PBXIP1: variants seen among roughly 807,000 people sequenced by gnomAD.
PBXIP1 encodes the protein pre-B-cell leukemia transcription factor-interacting protein 1.
In PBXIP1, 73 loss-of-function variants were observed where a neutral mutation model predicts 73.7. The ratio of observed to expected loss-of-function variants is 0.99; its 90% CI spans 0.82 to 1.20. The LOEUF (loss-of-function observed/expected upper bound fraction) is 1.20. Among genes scored for constraint, PBXIP1 ranks in the 50% most tolerant of loss-of-function variants. The pLI is 0.00. For missense variants in PBXIP1, 818 were observed against 911.4 expected (o/e 0.90, Z 1.32); for synonymous variants, 330 against 366.9 (o/e 0.90, Z 1.15).
chr1:154,944,942 A>G lies in PBXIP1; in HGVS notation c.*82T>C. 8.7e-7 allele frequency: 1 copy of G among 1,154,270 alleles called. No homozygotes were observed. The highest frequency in any genetic ancestry group is 1.3e-6 in the Non-Finnish European group (1 of 771,776). The allele number at this position is 1,154,270 out of a possible 1,614,324, so 71.5% of individuals were successfully genotyped here. A position where few individuals can be genotyped will look rare whatever the true frequency, so the allele number is the denominator to read the frequency against. On this transcript the variant is annotated 3_prime_UTR_variant, in exon 11 of 11. Transcript: ENST00000368463. Reference sequence around the variant, plus strand: ...ATCTGAGGACACCAAACAAGCCAGGACAGAGTCCACCCTCCAGGAGTTAGA... The same window carrying G: ...ATCTGAGGACACCAAACAAGCCAGGGCAGAGTCCACCCTCCAGGAGTTAGA...
At chr1:154,953,615 A>C (rs1241847503) in intron 2 of PBXIP1, 56 bp downstream of exon 2, 1 of 1,139,962 alleles carries the variant, frequency 8.8e-7, no homozygotes, top group East Asian at 2.3e-5. Context: ...GAAGCCCAGC[A>C]CTGCAGAAAC....
chr1:154,945,595 AAAG>A lies in PBXIP1; in HGVS notation c.2076_2078del (p.Phe693del), dbSNP rs2101981834. ...ACCTCTTCTTCAGTGCTTTGTCTCC[AAAG>A]AAGTGGCTGAAGATGAAGTCCTCAA... On this transcript the variant is annotated inframe_deletion, in exon 10 of 11. Transcript: ENST00000368463. 6.2e-7 allele frequency: 1 copy of A among 1,613,832 alleles called. No homozygotes were observed. Among genetic ancestry groups the A allele is most frequent in the Non-Finnish European group, 8.5e-7 (1 of 1,179,792 alleles).
Position 154,951,404 on chromosome 1 carries a change from C to T in PBXIP1, c.244-7G>A, listed in dbSNP as rs763731045. ...CATCACCTTCCAGGGTGCCCTAATGCAGATGCAGCAGTGAGCAGCTGCTAG... is the reference window on the plus strand; with the variant it reads ...CATCACCTTCCAGGGTGCCCTAATGTAGATGCAGCAGTGAGCAGCTGCTAG... On this transcript the variant is annotated splice_polypyrimidine_tract_variant and splice_region_variant and intron_variant, in intron 4 of 10. Transcript: ENST00000368463. This position sits in a 1 kb window ranked among gnomAD's most constrained non-coding sequence, Gnocchi z 4.3. 1.2e-5 allele frequency: 20 copies of T among 1,613,964 alleles called. No homozygotes were observed. The highest frequency in any genetic ancestry group is 1.6e-5 in the Non-Finnish European group (19 of 1,179,990).
At chr1:154,955,027 C>T (rs1336078700) in intron 1 of PBXIP1, 41 of 881,604 alleles carry the variant, frequency 4.7e-5, no homozygotes, top group Non-Finnish European at 5.3e-5. Flanking sequence ...TAAGTAACCT[C>T]CTGTGGCTCC....
chr1:154,949,727 C>A (rs1168462625), intron 5 of PBXIP1, among the ~76,000 whole-genome samples: 1 of 152,008 alleles, frequency 6.6e-6, no homozygotes, highest in Non-Finnish European at 1.5e-5. Flanking sequence ...GTTTCATGTA[C>A]CATGTGGAAC....
Position 154,951,787 on chromosome 1 carries a change from C to T in PBXIP1, c.178+8G>A. 6.2e-7 allele frequency: 1 copy of T among 1,613,762 alleles called. No individual in the cohort carries two copies. ...CCGGTAAGCTATGTCCTAAGCAGGG[C>T]CCAGTACCTTCTCCATCCATGGTCC... On this transcript the variant is annotated splice_region_variant and intron_variant, in intron 3 of 10. Coordinates refer to ENST00000368463, the MANE Select transcript of PBXIP1 (RefSeq NM_020524.4). This position sits in a 1 kb window ranked among gnomAD's most constrained non-coding sequence, Gnocchi z 4.3.
In PBXIP1 at chr1:154,951,918, G is replaced by C. The variant is rs1241346928; in HGVS notation, c.55C>G (p.Leu19Val). 1.2e-6 allele frequency: 2 copies of C among 1,604,166 alleles called. No individual in the cohort carries two copies. The highest frequency in any genetic ancestry group is 1.4e-5 in the African/African-American group (1 of 74,008). The change falls in exon 3 of 11, where the codon CTG becomes GTG. Residue 19 changes from leucine (L) to valine (V), a missense_variant. Coordinates refer to ENST00000368463, the MANE Select transcript of PBXIP1 (RefSeq NM_020524.4). This position sits in a 1 kb window ranked among gnomAD's most constrained non-coding sequence, Gnocchi z 4.3. ...GCCGGGCCCAGTGTCTCCACTGGCA[G>C]GCTCTGGGAGGAGAAGTGCAAGGAG... ...NSWVLAGSES[L>V]PVETLGPASR...
In PBXIP1 at chr1:154,946,342, C is replaced by T. The variant is rs1654818600; in HGVS notation, c.1332G>A (p.Glu444=). ...HRLAQKLQGL[E]NWGQDPGVSA... Reference sequence around the variant, plus strand: ...AGACCCCAGGGTCCTGGCCCCAGTTCTCCAGGCCCTGCAGTTTCTGGGCCA... The same window carrying T: ...AGACCCCAGGGTCCTGGCCCCAGTTTTCCAGGCCCTGCAGTTTCTGGGCCA... The change falls in exon 10 of 11, where the codon GAG becomes GAA. Residue 444 remains glutamate, a synonymous_variant. Coordinates refer to ENST00000368463, the MANE Select transcript of PBXIP1 (RefSeq NM_020524.4). 1.2e-6 allele frequency: 2 copies of T among 1,613,990 alleles called. No homozygotes were observed. The highest frequency in any genetic ancestry group is 1.7e-6 in the Non-Finnish European group (2 of 1,179,978).
rs765844541 is a variant in PBXIP1 at position 154,946,162 on chromosome 1, GTTC to G, written c.1509_1511del (p.Lys503del). ...GCTCCCTGTCCTCCTGACCTCCCCAGTTCTTCTTCCTTTCCCGGCCAGATTCTT... is the reference window on the plus strand; with the variant it reads ...GCTCCCTGTCCTCCTGACCTCCCCAGTTCTTCCTTTCCCGGCCAGATTCTT... On this transcript the variant is annotated inframe_deletion, in exon 10 of 11. Coordinates refer to ENST00000368463, the MANE Select transcript of PBXIP1 (RefSeq NM_020524.4). The G allele has an allele frequency of 2.0e-5, 32 of 1,613,936 alleles. No homozygotes were observed. Among genetic ancestry groups the G allele is most frequent in the Non-Finnish European group, 2.6e-5 (31 of 1,180,018 alleles).
Position 154,944,865 on chromosome 1 carries a change from A to G in PBXIP1, c.*159T>C, listed in dbSNP as rs1654747093. 1 of 596,124 alleles carries G rather than the reference A, an allele frequency of 1.7e-6. No individual in the cohort carries two copies. The highest frequency in any genetic ancestry group is 1.9e-5 in the African/African-American group (1 of 53,872). The allele number at this position is 596,124 out of a possible 1,614,324, so 36.9% of individuals were successfully genotyped here. On this transcript the variant is annotated 3_prime_UTR_variant, in exon 11 of 11. Coordinates refer to ENST00000368463, the MANE Select transcript of PBXIP1 (RefSeq NM_020524.4). ...AGGTCCAGCTAAGGCCTTTTTCTAC[A>G]TAAAGTGACATCAGTGCAGGGCTGG...
At chr1:154,947,905 A>C in intron 7 of PBXIP1, 77 bp downstream of exon 7, 1 of 1,499,130 alleles carries the variant, frequency 6.7e-7, no homozygotes, top group Non-Finnish European at 9.3e-7. Flanking sequence ...GTGAGCCCCC[A>C]GCACCCCTAC....
intron 5 of PBXIP1, chr1:154,950,072 G>T: frequency 4.7e-6 from 1 of 213,702 alleles, no homozygotes; most frequent in Non-Finnish European, 9.0e-6. Flanking sequence ...CTGGAGTGCA[G>T]TGGCACAATC....
At position 154,951,713 on chromosome 1, in the gene PBXIP1, C is replaced by G. The variant is rs1655011087; in HGVS notation, c.178+82G>C. On this transcript the variant is annotated intron_variant, in intron 3 of 10. Coordinates refer to ENST00000368463, the MANE Select transcript of PBXIP1 (RefSeq NM_020524.4). This position sits in a 1 kb window ranked among gnomAD's most constrained non-coding sequence, Gnocchi z 4.3. ...GAGGAACTAAAACGAACCAGCCTCC[C>G]TTTCTCTGAGGAAACTGAGAAACCC... is the stretch of plus-strand genomic sequence containing the variant. 2.0e-6 allele frequency: 3 copies of G among 1,527,466 alleles called. No homozygotes were observed. Among genetic ancestry groups the G allele is most frequent in the Admixed American group, 3.8e-5 (2 of 53,040 alleles). The allele number at this position is 1,527,466 out of a possible 1,614,324, so 94.6% of individuals were successfully genotyped here. A position where few individuals can be genotyped will look rare whatever the true frequency, so the allele number is the denominator to read the frequency against.
chr1:154,948,326 A>G lies in PBXIP1; in HGVS notation c.450T>C (p.Asp150=), dbSNP rs1487546598. 1 of 1,608,800 alleles carries G rather than the reference A, an allele frequency of 6.2e-7. No individual in the cohort carries two copies. Among genetic ancestry groups the G allele is most frequent in the Non-Finnish European group, 8.5e-7 (1 of 1,177,948 alleles). The stretch of plus-strand genomic sequence containing the variant: ...GACCCTCCATGTCCACGTCGGTGTC[A>G]TCGTCACTGCTGGAGCAGCGGCCCT... ...REEGRCSSSD[D]DTDVDMEGLR... Residue 150 remains aspartate, a synonymous_variant, in exon 6 of 11, where the codon GAT becomes GAC. Coordinates refer to ENST00000368463, the MANE Select transcript of PBXIP1 (RefSeq NM_020524.4).
In PBXIP1 at chr1:154,946,239, A is replaced by G; in HGVS notation, c.1435T>C (p.Trp479Arg). ...SREWSGKEKWWDGQRDRKAEH... is the reference protein window; with the variant it reads ...SREWSGKEKWRDGQRDRKAEH... Reference sequence around the variant, plus strand: ...GCCTTCCGGTCTCTCTGCCCATCCCACCACTTTTCCTTTCCACTCCACTCC... The same window carrying G: ...GCCTTCCGGTCTCTCTGCCCATCCCGCCACTTTTCCTTTCCACTCCACTCC... The change falls in exon 10 of 11, where the codon TGG becomes CGG. Residue 479 changes from tryptophan to arginine, a missense_variant. Trp to Arg is a moderately radical substitution (Grantham distance 101). Coordinates refer to ENST00000368463, the MANE Select transcript of PBXIP1 (RefSeq NM_020524.4). 1 of 1,613,278 alleles carries G rather than the reference A, an allele frequency of 6.2e-7. No individual in the cohort carries two copies.
At position 154,947,857 on chromosome 1, in the gene PBXIP1, C is replaced by T. The variant is rs1255437329; in HGVS notation, c.667+125G>A. On this transcript the variant is annotated intron_variant, in intron 7 of 10. Transcript: ENST00000368463. Reference sequence around the variant, plus strand: ...GGTGAGATAAAGGGCCAAGGGGCACCCTGAACAGCTGACAAGGCCACTAAC... The same window carrying T: ...GGTGAGATAAAGGGCCAAGGGGCACTCTGAACAGCTGACAAGGCCACTAAC... The T allele has an allele frequency of 2.9e-6, 4 of 1,356,778 alleles. No individual in the cohort carries two copies. The East Asian group carries it at 6.9e-5, about 23-fold the overall frequency. The allele number at this position is 1,356,778 out of a possible 1,614,324, so 84.0% of individuals were successfully genotyped here. A position where few individuals can be genotyped will look rare whatever the true frequency, so the allele number is the denominator to read the frequency against.
At position 154,946,048 on chromosome 1, in the gene PBXIP1, T is replaced by C. The variant is rs537557788; in HGVS notation, c.1626A>G (p.Pro542=). The change falls in exon 10 of 11, where the codon CCA becomes CCG. Residue 542 remains proline, a synonymous_variant. Coordinates refer to ENST00000368463, the MANE Select transcript of PBXIP1 (RefSeq NM_020524.4). ...AGGAGTGGAAGCTACCACTTTTCCTTGGGGGTTCCTTCGGGCCCTGTCGCT... is the reference window on the plus strand; with the variant it reads ...AGGAGTGGAAGCTACCACTTTTCCTCGGGGGTTCCTTCGGGCCCTGTCGCT... The part of the protein sequence containing the change: ...EGKRQGPKEP[P]RKSGSFHSSG... The C allele has an allele frequency of 1.2e-6, 2 of 1,614,150 alleles. No individual in the cohort carries two copies. The highest frequency in any genetic ancestry group is 2.2e-5 in the East Asian group (1 of 44,884).
At chr1:154,945,295 A>G (rs949072529) in intron 10 of PBXIP1, among the ~76,000 whole-genome samples, 178 bp from the exon 11 acceptor site, 1 of 152,032 alleles carries the variant, frequency 6.6e-6, no homozygotes, top group African/African-American at 2.4e-5. Context: ...GAAGATGGGG[A>G]TCTCCCTCGT....
intron 1 of PBXIP1, chr1:154,955,058 C>A (rs909468519): frequency 5.3e-6 from 3 of 566,262 alleles, no homozygotes; most frequent in Non-Finnish European, 4.5e-6. Flanking sequence ...GATCCAAGTC[C>A]TGGATAGGTC....
Sources: gnomAD v4.1 joint callset for allele counts (sites outside exome capture counted in the v4.1 genomes callset) on GRCh38, gnomAD v4.1.1 for gene constraint, Gnocchi (gnomAD v3.1) non-coding constraint, MANE v1.5 for transcripts, NCBI Gene and HGNC (gene_info 2026-07-23, HGNC 2026-07-21) for gene names.